MRPS27: variants seen among roughly 807,000 people sequenced by gnomAD.
The protein encoded by MRPS27 is small ribosomal subunit protein mS27.
Under a neutral mutation model 48.9 loss-of-function variants are expected in MRPS27, and 43 were observed. That is an observed-to-expected ratio of 0.88 (90% CI 0.69 to 1.13). The LOEUF (loss-of-function observed/expected upper bound fraction) is 1.13, where lower values mean the gene tolerates loss of function less well. Ranked by LOEUF, MRPS27 falls within the 50% of genes most tolerant of loss-of-function variation. MRPS27 has a pLI of 0.00. For synonymous variants in MRPS27, 188 were observed against 171.9 expected (o/e 1.09, Z -0.73); for missense variants, 467 against 476.3 (o/e 0.98, Z 0.18).
At chr5:72,312,140 CAAT>C (rs920158278) in intron 2 of MRPS27, among the ~76,000 whole-genome samples, 1 of 152,060 alleles carries the variant, frequency 6.6e-6, no homozygotes, top group African/African-American at 2.4e-5. Context: ...GTCTCAACAA[CAAT>C]GACAATAACA....
chr5:72,236,175 A>C (rs993432966), intron 5 of MRPS27, among the ~76,000 whole-genome samples: 2 of 152,138 alleles, frequency 1.3e-5, no homozygotes, highest in Non-Finnish European at 2.9e-5. Context: ...CTTATTAAAA[A>C]ATTTTTTTAA....
At chr5:72,221,211 G>A (rs1747731739) in intron 10 of MRPS27, 63 bp from the exon 11 acceptor site, 2 of 1,566,246 alleles carry the variant, frequency 1.3e-6, no homozygotes, top group South Asian at 1.2e-5. Context: ...GATACAAAGA[G>A]GAAAAACTAG....
At chr5:72,246,925 CA>C (rs1263022071) in intron 4 of MRPS27, among the ~76,000 whole-genome samples, 1 of 152,118 alleles carries the variant, frequency 6.6e-6, no homozygotes, top group East Asian at 1.9e-4. Context: ...AGGTCTCTAA[CA>C]GCGAAAAATA....
chr5:72,234,386 G>C (rs909037542), intron 5 of MRPS27, among the ~76,000 whole-genome samples, 189 bp from the exon 6 acceptor site: 1 of 151,820 alleles, frequency 6.6e-6, no homozygotes, highest in African/African-American at 2.4e-5. Flanking sequence ...AGGAACTGTT[G>C]GTCAGGGTGA....
intron 2 of MRPS27, among the ~76,000 whole-genome samples, chr5:72,302,421 C>A (rs542887087): frequency 6.6e-6 from 1 of 152,106 alleles, no homozygotes; most frequent in African/African-American, 2.4e-5. Context: ...CAATCAAGCA[C>A]GTCAGTTATG....
intron 2 of MRPS27, among the ~76,000 whole-genome samples, chr5:72,311,583 G>A (rs1750441446): frequency 1.3e-5 from 2 of 152,130 alleles, no homozygotes; most frequent in Admixed American, 1.3e-4. Context: ...CTTCATAAGA[G>A]GAAGAGAGAC....
At chr5:72,295,267 G>A in intron 4 of MRPS27, 1 of 282,336 alleles carries the variant, frequency 3.5e-6, no homozygotes. Context: ...TACGTACAAG[G>A]TTATCAATTA....
chr5:72,308,566 G>A (rs1451986142), intron 2 of MRPS27, among the ~76,000 whole-genome samples: 1 of 152,186 alleles, frequency 6.6e-6, no homozygotes, highest in Non-Finnish European at 1.5e-5. Context: ...GCGGGGCGGC[G>A]GATTCCCGCA....
chr5:72,299,027 C>T (rs1041212676), intron 2 of MRPS27, among the ~76,000 whole-genome samples: 5 of 151,894 alleles, frequency 3.3e-5, no homozygotes, highest in African/African-American at 1.2e-4. Context: ...AACAGAAAAC[C>T]AAATACCACA....
chr5:72,254,260 C>T (rs774496024), intron 4 of MRPS27, among the ~76,000 whole-genome samples: 5 of 152,144 alleles, frequency 3.3e-5, no homozygotes, highest in South Asian at 2.1e-4. Flanking sequence ...AGCAGAGAAC[C>T]AAGGCACTTA....
intron 4 of MRPS27, among the ~76,000 whole-genome samples, chr5:72,283,523 A>G (rs1013351447): frequency 1.4e-4 from 21 of 152,152 alleles, no homozygotes; most frequent in Admixed American, 1.3e-4. Flanking sequence ...TCCAGGTTGC[A>G]ATTTCAGATT....
intron 4 of MRPS27, among the ~76,000 whole-genome samples, chr5:72,239,731 A>C (rs887834616): frequency 1.3e-5 from 2 of 152,058 alleles, no homozygotes; most frequent in Admixed American, 1.3e-4. Flanking sequence ...GATGGAGTGC[A>C]GTGGTGCAAT....
intron 4 of MRPS27, among the ~76,000 whole-genome samples, chr5:72,284,571 T>C (rs1749621243): frequency 4.6e-5 from 7 of 151,994 alleles, no homozygotes; most frequent in Admixed American, 1.3e-4. Flanking sequence ...ACCCATGATA[T>C]AAAATTCAAA....
Position 72,306,766 on chromosome 5 carries a change from T to A in MRPS27, c.151+7315A>T, listed in dbSNP as rs190575062. 2.4e-3 allele frequency among the ~76,000 whole-genome samples: 362 copies of A among 152,320 alleles called. 4 individuals are homozygous for A. The highest frequency in any genetic ancestry group is 2.5e-3 in the South Asian group (12 of 4,830). On this transcript the variant is annotated intron_variant, in intron 2 of 10. Coordinates refer to ENST00000261413, the MANE Select transcript of MRPS27 (RefSeq NM_015084.3). ...TTAATTACGTTTTTAAAAATCCTTATCTTTTAGAGGTACATATCAAAGTAC... is the reference window on the plus strand; with the variant it reads ...TTAATTACGTTTTTAAAAATCCTTAACTTTTAGAGGTACATATCAAAGTAC...
At chr5:72,282,478 C>T (rs923804704) in intron 4 of MRPS27, among the ~76,000 whole-genome samples, 6 of 151,876 alleles carry the variant, frequency 4.0e-5, no homozygotes, top group African/African-American at 1.2e-4. Context: ...ATTCCTGGTA[C>T]CTTAATTTGA....
intron 2 of MRPS27, 97 bp from the exon 3 acceptor site, chr5:72,297,799 G>A (rs371105815): frequency 3.8e-5 from 20 of 532,626 alleles, no homozygotes; most frequent in East Asian, 2.1e-4. Flanking sequence ...TAAAAGAAAC[G>A]TTCTTTCTTG....
In MRPS27 at chr5:72,232,423, C is replaced by A; in HGVS notation, c.591+20G>T. On this transcript the variant is annotated intron_variant, in intron 7 of 10. Transcript: ENST00000261413. ...GCCTTTTCTAAAGTTCTTAATACTG[C>A]TTTAGGGAAGATCACTTACACTGAA... The A allele has an allele frequency of 6.3e-7, 1 of 1,584,612 alleles. No homozygotes were observed. Among genetic ancestry groups the A allele is most frequent in the South Asian group, 1.1e-5 (1 of 89,800 alleles).
chr5:72,253,281 C>T (rs1748716002), intron 4 of MRPS27, among the ~76,000 whole-genome samples: 1 of 152,148 alleles, frequency 6.6e-6, no homozygotes, highest in African/African-American at 2.4e-5. Flanking sequence ...CCTTTACTGT[C>T]ATATCTATGG....
chr5:72,313,079 C>T (rs894773335), intron 2 of MRPS27, among the ~76,000 whole-genome samples: 2 of 152,138 alleles, frequency 1.3e-5, no homozygotes, highest in Non-Finnish European at 2.9e-5. Context: ...GGAGAAGCTG[C>T]GATTACTTAT....
Sources: allele counts gnomAD v4.1 joint callset (sites outside exome capture counted in the v4.1 genomes callset), GRCh38; gene constraint gnomAD v4.1.1; transcripts MANE v1.5; gene names NCBI Gene and HGNC (gene_info 2026-07-23, HGNC 2026-07-21).